Variants in ODAD4 observed in about 807,000 individuals in gnomAD.
ODAD4 encodes the protein outer dynein arm docking complex subunit 4.
A neutral mutation model predicts 51.8 loss-of-function variants in ODAD4; 49 were observed. The observed-to-expected ratio is 0.95, with a 90% CI of 0.75 to 1.20. The LOEUF (loss-of-function observed/expected upper bound fraction) is 1.20, where lower values mean the gene tolerates loss of function less well. Ranked by LOEUF, ODAD4 falls within the 50% of genes most tolerant of loss-of-function variation. The pLI, the probability that ODAD4 is intolerant of heterozygous loss-of-function variation, is 0.00. For missense variants in ODAD4, 590 were observed against 586.5 expected (o/e 1.01, Z -0.06); for synonymous variants, 235 against 221.3 (o/e 1.06, Z -0.55).
chr17:41,936,991 A>C, intron 5 of ODAD4, 64 bp downstream of exon 5: 1 of 1,573,308 alleles, frequency 6.4e-7, no homozygotes, highest in Non-Finnish European at 8.7e-7. Flanking sequence ...TGCTTCATGC[A>C]TGAGCTGAAG....
At chr17:41,955,508 A>G (rs999376864) in intron 10 of ODAD4, among the ~76,000 whole-genome samples, 191 bp downstream of exon 10, 3 of 152,046 alleles carry the variant, frequency 2.0e-5, no homozygotes, top group Admixed American at 6.6e-5. Context: ...GCTCACTGCA[A>G]GCTCCGCTTC....
At chr17:41,940,696 CA>C (rs1555638578) in intron 7 of ODAD4, among the ~76,000 whole-genome samples, 286 of 152,230 alleles carry the variant, frequency 1.9e-3, no homozygotes, top group African/African-American at 6.6e-3. Flanking sequence ...ATAATAATAC[CA>C]ACCCACAGGG....
In ODAD4 at chr17:41,938,762, C is replaced by T. The variant is rs781810335; in HGVS notation, c.831C>T (p.Ser277=). Residue 277 remains serine, a synonymous_variant, in exon 6 of 12, where the codon AGC becomes AGT. Coordinates refer to ENST00000377540, the MANE Select transcript of ODAD4 (RefSeq NM_031421.5). Reference sequence around the variant, plus strand: ...AGACAGCCCATTACATCCTCAAGAGCCTGGAGGACATTGATATGTGTAGGT... The same window carrying T: ...AGACAGCCCATTACATCCTCAAGAGTCTGGAGGACATTGATATGTGTAGGT... ...PSQTAHYILK[S]LEDIDMLLTS... is the part of the protein sequence containing the mutation. 1.2e-6 allele frequency: 2 copies of T among 1,613,270 alleles called. No individual in the cohort carries two copies. Among genetic ancestry groups the T allele is most frequent in the Non-Finnish European group, 1.7e-6 (2 of 1,179,830 alleles).
Position 41,961,505 on chromosome 17 carries a change from C to G in ODAD4, c.1528+39C>G, listed in dbSNP as rs782184790. On this transcript the variant is annotated intron_variant, in intron 11 of 11. Transcript: ENST00000377540. The stretch of plus-strand genomic sequence containing the variant: ...ACTCTGAAAAGGCAACTTCAGCATT[C>G]TCCCTCTGCTTTCTTTTCCTCTAGT... 5.6e-6 allele frequency: 4 copies of G among 718,312 alleles called. No individual in the cohort carries two copies. The South Asian group carries it at 5.9e-5, about 11-fold the overall frequency. 44.5% of individuals were successfully genotyped at this position (718,312 alleles called of 1,614,324 possible). A position where few individuals can be genotyped will look rare whatever the true frequency, so the allele number is the denominator to read the frequency against.
intron 10 of ODAD4, among the ~76,000 whole-genome samples, chr17:41,956,863 A>C (rs576676217): frequency 6.6e-6 from 1 of 152,054 alleles, no homozygotes; most frequent in South Asian, 2.1e-4. Context: ...GATTACAGGC[A>C]TGGGCCACTG....
chr17:41,965,109 G>A lies in ODAD4; in HGVS notation c.1645G>A (p.Asp549Asn), dbSNP rs781951527. 4 of 771,996 alleles carry A rather than the reference G, an allele frequency of 5.2e-6. No homozygotes were observed. The South Asian group carries it at 5.5e-5, about 11-fold the overall frequency. 47.8% of individuals were successfully genotyped at this position (771,996 alleles called of 1,614,324 possible). The change falls in exon 12 of 12, where the codon GAT becomes AAT. Residue 549 changes from aspartate (D) to asparagine (N), a missense_variant. Around this residue, in one of 3 missense-constraint regions of ODAD4, gnomAD observed 226 missense variants for 162.7 expected, o/e 1.39. Coordinates refer to ENST00000377540, the MANE Select transcript of ODAD4 (RefSeq NM_031421.5). ...CCATAGTGAGGATGAGAAAGAGACAGATGAGGACGATGAGGCTTTTGGGGA... is the reference window on the plus strand; with the variant it reads ...CCATAGTGAGGATGAGAAAGAGACAAATGAGGACGATGAGGCTTTTGGGGA... ...WDHSEDEKET[D>N]EDDEAFGEAL...
chr17:41,934,216 A>G (rs1274967805), intron 1 of ODAD4, among the ~76,000 whole-genome samples: 6 of 150,606 alleles, frequency 4.0e-5, no homozygotes, highest in African/African-American at 9.7e-5. Flanking sequence ...TAATTTTTGT[A>G]TTTTTAGTAG....
intron 7 of ODAD4, among the ~76,000 whole-genome samples, chr17:41,942,527 C>A (rs2144504890): frequency 6.6e-6 from 1 of 152,332 alleles, no homozygotes. Context: ...GAACAGAGTA[C>A]CCACTCTAGA....
At chr17:41,947,714 G>A (rs1249165341) in intron 8 of ODAD4, among the ~76,000 whole-genome samples, 1 of 151,998 alleles carries the variant, frequency 6.6e-6, no homozygotes, top group Non-Finnish European at 1.5e-5. Context: ...AGAATCACTT[G>A]AATCTGGGAG....
At chr17:41,955,514 G>A (rs1259018458) in intron 10 of ODAD4, among the ~76,000 whole-genome samples, 197 bp downstream of exon 10, 5 of 151,832 alleles carry the variant, frequency 3.3e-5, no homozygotes, top group South Asian at 2.1e-4. Flanking sequence ...TGCAAGCTCC[G>A]CTTCCGGGTT....
intron 10 of ODAD4, among the ~76,000 whole-genome samples, chr17:41,958,840 T>C (rs540774224): frequency 4.7e-5 from 7 of 149,568 alleles, no homozygotes; most frequent in African/African-American, 1.7e-4. Context: ...CTGGCCAACA[T>C]TGTCTCTACT....
At chr17:41,961,559 A>C (rs181548775) in intron 11 of ODAD4, 93 bp downstream of exon 11, 3 of 689,730 alleles carry the variant, frequency 4.3e-6, no homozygotes, top group East Asian at 2.7e-5. Context: ...CAGCTCCCCA[A>C]TCTGGGGGCT....
intron 7 of ODAD4, among the ~76,000 whole-genome samples, chr17:41,944,444 A>ACACACACACACAC (rs1191101800): frequency 3.7e-3 from 72 of 19,546 alleles, no homozygotes; most frequent in South Asian, 8.4e-3. Flanking sequence ...ACACACACAC[A>ACACACACACACAC]CCCCCCCGCA....
intron 1 of ODAD4, 22 bp from the exon 2 acceptor site, chr17:41,935,195 A>G (rs930461968): frequency 1.2e-6 from 2 of 1,613,576 alleles, no homozygotes; most frequent in Middle Eastern, 1.7e-4. Flanking sequence ...CTGGCTGTCA[A>G]CCTGACTGGT....
At chr17:41,934,651 C>T (rs2050399704) in intron 1 of ODAD4, among the ~76,000 whole-genome samples, 1 of 152,126 alleles carries the variant, frequency 6.6e-6, no homozygotes, top group African/African-American at 2.4e-5. Context: ...CACTCCCAGC[C>T]TTTTCCTGGT....
At chr17:41,935,089 C>A in intron 1 of ODAD4, 128 bp from the exon 2 acceptor site, 1 of 1,139,178 alleles carries the variant, frequency 8.8e-7, no homozygotes, top group Non-Finnish European at 1.2e-6. Context: ...CCCCTTGATT[C>A]TTCAGAGCCT....
chr17:41,955,634 C>A (rs1185205293), intron 10 of ODAD4, among the ~76,000 whole-genome samples: 1 of 152,036 alleles, frequency 6.6e-6, no homozygotes, highest in Non-Finnish European at 1.5e-5. Flanking sequence ...CACTGTTAGC[C>A]AGGATGGTCT....
In ODAD4 at chr17:41,930,623, C is replaced by A; in HGVS notation, c.-101C>A. The A allele has an allele frequency of 1.3e-6, 1 of 766,832 alleles. No individual in the cohort carries two copies. The highest frequency in any genetic ancestry group is 2.2e-6 in the Non-Finnish European group (1 of 464,348). The allele number at this position is 766,832 out of a possible 1,614,324, so 47.5% of individuals were successfully genotyped here. On this transcript the variant is annotated 5_prime_UTR_variant, in exon 1 of 12. Transcript: ENST00000377540. ...GGGGGCGGAACCGGAAGTCGCTGTA[C>A]ATCTCATGGTTGCTAAGAAACGGAG...
chr17:41,935,662 TATC>T lies in ODAD4; in HGVS notation c.314_316del (p.His105del). 1 of 1,613,698 alleles carries T rather than the reference TATC, an allele frequency of 6.2e-7. No individual in the cohort carries two copies. Among genetic ancestry groups the T allele is most frequent in the Non-Finnish European group, 8.5e-7 (1 of 1,179,770 alleles). ...AGACTTTGAGTTTGCCTTGGTATTC[TATC>T]ATCGAGGCTACAAGCTGAGGCCTGA... On this transcript the variant is annotated inframe_deletion, in exon 3 of 12. Transcript: ENST00000377540.
Sources: allele counts gnomAD v4.1 joint callset (sites outside exome capture counted in the v4.1 genomes callset), GRCh38; gene constraint gnomAD v4.1.1; regional missense constraint gnomAD v4.1.1; transcripts MANE v1.5; gene names NCBI Gene and HGNC (gene_info 2026-07-23, HGNC 2026-07-21).